Variants in EYS observed in about 807,000 individuals in gnomAD.
EYS encodes the protein EGF-like photoreceptor maintenance factor.
Under a neutral mutation model 282.1 loss-of-function variants are expected in EYS, and 250 were observed. That is an observed-to-expected ratio of 0.89 (90% CI 0.80 to 0.98). EYS has a LOEUF of 0.98. EYS is among the 50% of genes least tolerant of loss of function. EYS has a pLI of 0.00. For synonymous variants in EYS, 1,355 were observed against 1,282.9 expected, an observed-to-expected ratio of 1.06 and a Z score of -1.20; for missense variants, 4,016 against 3,709.0, an observed-to-expected ratio of 1.08 and a Z score of -2.15.
intron 32 of EYS, among the ~76,000 whole-genome samples, chr6:64,081,651 C>A (rs1422828582): frequency 1.3e-5 from 2 of 152,150 alleles, no homozygotes; most frequent in South Asian, 4.1e-4. Context: ...AGCTCAGATC[C>A]TGTTTGTAAG....
intron 28 of EYS, among the ~76,000 whole-genome samples, chr6:64,405,158 C>A (rs6924594): frequency 0.031 from 4,710 of 152,036 alleles, 228 homozygotes; most frequent in African/African-American, 0.11. Context: ...CCAACAGGCC[C>A]CAGTGTCACA....
rs993647564 is a variant in EYS, at chr6:65,200,610, C to T, written c.2023+95253G>A. Among the ~76,000 whole-genome samples the T allele has an allele frequency of 1.2e-4, 18 of 151,684 alleles. No homozygotes were observed. The South Asian group carries it at 2.7e-3, about 23-fold the overall frequency. Reference sequence around the variant, plus strand: ...TTAAAAAGAAAGCTAAGAATTGACACGAAGTACAGTTATTGTATATAAATG... The same window carrying T: ...TTAAAAAGAAAGCTAAGAATTGACATGAAGTACAGTTATTGTATATAAATG... On this transcript the variant is annotated intron_variant, in intron 12 of 42. Coordinates refer to ENST00000503581, the MANE Select transcript of EYS (RefSeq NM_001142800.2).
At chr6:64,085,334 G>GACACACACACACACACACA (rs1562192666) in intron 31 of EYS, among the ~76,000 whole-genome samples, 1 of 69,644 alleles carries the variant, frequency 1.4e-5, no homozygotes, top group African/African-American at 6.7e-5. Flanking sequence ...GTGCGCACGT[G>GACACACACACACACACACA]CGCGCGCACA....
chr6:65,006,503 C>CAAAAAAAAAAAA (rs59057058), intron 13 of EYS, among the ~76,000 whole-genome samples: 28 of 83,252 alleles, frequency 3.4e-4, no homozygotes, highest in African/African-American at 5.3e-4. Context: ...TATTCTAAGT[C>CAAAAAAAAAAAA]AAAAAAAAAA....
chr6:65,236,650 T>A (rs1766933676), intron 12 of EYS, among the ~76,000 whole-genome samples: 1 of 152,104 alleles, frequency 6.6e-6, no homozygotes, highest in Non-Finnish European at 1.5e-5. Flanking sequence ...TGGCAGATGA[T>A]GGTTTGTGGC....
At chr6:65,115,664 C>G (rs1775348092) in intron 12 of EYS, among the ~76,000 whole-genome samples, 1 of 151,954 alleles carries the variant, frequency 6.6e-6, no homozygotes, top group South Asian at 2.1e-4. Flanking sequence ...ATATCTGAAC[C>G]CATGTTCAGG....
At chr6:63,746,172 A>G (rs1287271957) in intron 41 of EYS, among the ~76,000 whole-genome samples, 1 of 152,168 alleles carries the variant, frequency 6.6e-6, no homozygotes, top group Non-Finnish European at 1.5e-5. Context: ...TTCTGCATCT[A>G]TTGAGATAAT....
rs1562226626 is a variant in EYS at position 64,151,325 on chromosome 6, A to ATATATATATATATATATT, written c.6425-69324_6425-69323insAATATATATATATATATA. ...CGTGTGTGTGTGTATATTTATATAT[A>ATATATATATATATATATT]TATATATATATATATATATATATAT... On this transcript the variant is annotated intron_variant, in intron 31 of 42. Coordinates refer to ENST00000503581, the MANE Select transcript of EYS (RefSeq NM_001142800.2). Among the ~76,000 whole-genome samples, 56 of 78,622 alleles carry ATATATATATATATATATT rather than the reference A, an allele frequency of 7.1e-4. 1 individual carries two copies. Among genetic ancestry groups the ATATATATATATATATATT allele is most frequent in the African/African-American group, 3.3e-3 (46 of 13,950 alleles). 51.6% of individuals were successfully genotyped at this position (78,622 alleles called of 152,430 possible).
chr6:65,640,841 A>G (rs747018607), intron 1 of EYS, among the ~76,000 whole-genome samples: 4 of 151,910 alleles, frequency 2.6e-5, no homozygotes, highest in Admixed American at 6.6e-5. Flanking sequence ...CCTTGACTCT[A>G]TGGATTTCTG....
intron 22 of EYS, among the ~76,000 whole-genome samples, chr6:64,758,186 T>C (rs1773020003): frequency 6.6e-6 from 1 of 152,082 alleles, no homozygotes; most frequent in Non-Finnish European, 1.5e-5. Flanking sequence ...AGTTCATTGA[T>C]AGGGATCCTG....
chr6:65,123,172 G>C (rs1775614602), intron 12 of EYS, among the ~76,000 whole-genome samples: 1 of 151,930 alleles, frequency 6.6e-6, no homozygotes, highest in African/African-American at 2.4e-5. Flanking sequence ...AAAAGTGAAT[G>C]TACAAACATT....
At chr6:64,743,271 G>T (rs889518511) in intron 22 of EYS, among the ~76,000 whole-genome samples, 3 of 151,978 alleles carry the variant, frequency 2.0e-5, no homozygotes, top group Admixed American at 6.6e-5. Context: ...ACAGAACCAT[G>T]GGGTGATTTC....
intron 35 of EYS, among the ~76,000 whole-genome samples, chr6:63,895,901 ATTTGTTTTT>A (rs1178295073): frequency 1.3e-4 from 3 of 22,672 alleles, no homozygotes; most frequent in South Asian, 3.1e-3. Flanking sequence ...TGAGATCATG[ATTTGTTTTT>A]TTTTTTTTTT....
At chr6:64,848,657 T>C (rs569829980) in intron 19 of EYS, among the ~76,000 whole-genome samples, 2 of 152,206 alleles carry the variant, frequency 1.3e-5, no homozygotes, top group African/African-American at 2.4e-5. Context: ...AATGTCTTAG[T>C]TGTACTGAAC....
intron 12 of EYS, among the ~76,000 whole-genome samples, chr6:65,187,874 T>C (rs1265613072): frequency 2.6e-5 from 4 of 151,702 alleles, no homozygotes; most frequent in Non-Finnish European, 5.9e-5. Context: ...AATTTTTGCC[T>C]TTGAGATTCA....
chr6:65,563,609 T>C (rs980847723), intron 2 of EYS, among the ~76,000 whole-genome samples: 9 of 152,044 alleles, frequency 5.9e-5, no homozygotes, highest in Non-Finnish European at 1.0e-4. Context: ...ACTTTCCAAT[T>C]GACAACCATT....
chr6:64,892,648 T>C (rs935412918), intron 18 of EYS, among the ~76,000 whole-genome samples: 3 of 152,074 alleles, frequency 2.0e-5, no homozygotes, highest in Non-Finnish European at 4.4e-5. Flanking sequence ...ATTTGCAACA[T>C]GTCTTTATTA....
At chr6:64,050,742 C>T (rs1027460644) in intron 33 of EYS, among the ~76,000 whole-genome samples, 4 of 152,152 alleles carry the variant, frequency 2.6e-5, no homozygotes, top group African/African-American at 9.7e-5. Context: ...AGCAATTGAC[C>T]ACAAGCTGTG....
intron 2 of EYS, among the ~76,000 whole-genome samples, chr6:65,582,790 TG>T (rs1236558501): frequency 1.3e-5 from 2 of 152,270 alleles, no homozygotes; most frequent in East Asian, 3.9e-4. Context: ...AGATTACATG[TG>T]TAATAAGTGA....
Sources: gnomAD v4.1 joint callset for allele counts (sites outside exome capture counted in the v4.1 genomes callset) on GRCh38, gnomAD v4.1.1 for gene constraint, MANE v1.5 for transcripts, NCBI Gene and HGNC (gene_info 2026-07-23, HGNC 2026-07-21) for gene names.